HDLBP: variants seen among roughly 807,000 people sequenced by gnomAD.
HDLBP encodes the protein vigilin.
In HDLBP, 30 loss-of-function variants were observed where a neutral mutation model predicts 137.3. The observed-to-expected ratio is 0.22, with a 90% CI of 0.16 to 0.30. The LOEUF is 0.30. Ranked by LOEUF, HDLBP falls within the 10% of genes least tolerant of loss-of-function variation. HDLBP has a pLI of 1.00. For missense variants in HDLBP, 1,119 were observed against 1,667.3 expected, an observed-to-expected ratio of 0.67 and a Z score of 5.73; for synonymous variants, 606 against 596.0, an observed-to-expected ratio of 1.02 and a Z score of -0.24.
chr2:241,236,817 C>A, intron 20 of HDLBP, 48 bp from the exon 21 acceptor site: 4 of 1,592,292 alleles, frequency 2.5e-6, no homozygotes, highest in Non-Finnish European at 2.6e-6. Flanking sequence ...TGGAAGAGAC[C>A]CCACACCTTG....
In HDLBP at chr2:241,249,959, T is replaced by C. The variant is rs1358861208; in HGVS notation, c.1394A>G (p.Tyr465Cys). 2.5e-6 allele frequency: 4 copies of C among 1,607,458 alleles called. No individual in the cohort carries two copies. The highest frequency in any genetic ancestry group is 2.2e-5 in the East Asian group (1 of 44,834). The change falls in exon 12 of 28, where the codon TAC (tyrosine) becomes TGC (cysteine). Residue 465 changes from tyrosine to cysteine, a missense_variant. Physicochemically the swap from Tyr to Cys is radical, Grantham distance 194. This residue lies in a region of HDLBP where 425 missense variants were observed against 693.9 expected (regional missense o/e 0.61). Transcript: ENST00000310931. ...GANINRIKDQYKVSVRIPPDS... is the reference protein window; with the variant it reads ...GANINRIKDQCKVSVRIPPDS... ...AGGAGGGATGCGCACGGACACCTTG[T>C]ACTGGTCTTTGATTCTGTTTACTTA... is the stretch of plus-strand genomic sequence containing the variant.
At position 241,242,586 on chromosome 2, in the gene HDLBP, C is replaced by T; in HGVS notation, c.2043G>A (p.Glu681=). 4 of 1,614,252 alleles carry T rather than the reference C, an allele frequency of 2.5e-6. No individual in the cohort carries two copies. The highest frequency in any genetic ancestry group is 3.4e-6 in the Non-Finnish European group (4 of 1,180,044). ...TKGRLIRSIM[E]ECGGVHIHFP... ...AGTGAATGTGGACCCCGCCGCACTC[C>T]TCCATGATGGAGCGGATCAGACGGC... Residue 681 remains glutamate, a synonymous_variant, in exon 17 of 28, where the codon GAG becomes GAA. Transcript: ENST00000310931.
At position 241,233,854 on chromosome 2, in the gene HDLBP, T is replaced by C; in HGVS notation, c.3254A>G (p.Asn1085Ser). Reference protein sequence around the residue: ...ITQIRLEHDVNIQFPDKDDGN... With the variant: ...ITQIRLEHDVSIQFPDKDDGN... ...ATCGTCCTTATCAGGAAACTGGATG[T>C]TCACGTCATGCTCCAACCGGATTTG... The change falls in exon 24 of 28, where the codon AAC becomes AGC. Residue 1085 changes from asparagine to serine, a missense_variant. Asn to Ser is a conservative substitution (Grantham distance 46, BLOSUM62 1). Coordinates refer to ENST00000310931, the MANE Select transcript of HDLBP (RefSeq NM_005336.6). The surrounding 1 kb of genome is among the most constrained non-coding windows in gnomAD (Gnocchi z 4.3). 1 of 1,614,194 alleles carries C rather than the reference T, an allele frequency of 6.2e-7. No homozygotes were observed. Among genetic ancestry groups the C allele is most frequent in the Non-Finnish European group, 8.5e-7 (1 of 1,180,026 alleles).
At chr2:241,303,311 G>A (rs1356815431) in intron 1 of HDLBP, among the ~76,000 whole-genome samples, 2 of 152,234 alleles carry the variant, frequency 1.3e-5, no homozygotes, top group African/African-American at 2.4e-5. Flanking sequence ...TCACAGGACA[G>A]AGCAAGGCCA....
At chr2:241,273,307 TTTATAAAC>T in intron 1 of HDLBP, 2 of 885,662 alleles carry the variant, frequency 2.3e-6, no homozygotes, top group Non-Finnish European at 2.7e-6. Flanking sequence ...GTCCCTCACT[TTTATAAAC>T]TATCCCCACC....
chr2:241,315,140 GC>G (rs2075994113), intron 1 of HDLBP: 1 of 152,178 alleles, frequency 6.6e-6, no homozygotes, highest in Admixed American at 6.5e-5. Context: ...TAGGGGCCGC[GC>G]CAGCTCCGCC....
At chr2:241,243,801 C>A (rs1280161803) in intron 16 of HDLBP, 3 of 152,148 alleles carry the variant, frequency 2.0e-5, no homozygotes, top group Non-Finnish European at 4.4e-5. Context: ...CTAAAAGGAG[C>A]AAAATGTTTC....
intron 1 of HDLBP, among the ~76,000 whole-genome samples, chr2:241,298,420 G>A (rs75513600): frequency 0.026 from 3,975 of 152,014 alleles, 398 homozygotes; most frequent in Admixed American, 0.18. Context: ...GGACACAGGA[G>A]CTTGAGGGGC....
Position 241,305,303 on chromosome 2 carries a change from A to G in HDLBP, c.-103+10267T>C, listed in dbSNP as rs141567643. On this transcript the variant is annotated intron_variant, in intron 1 of 27. Transcript: ENST00000310931. ...TACACCCGGCTAATTCTGTATTTTTAGTAGAGATGGGGTTTCACCATGTTG... is the reference window on the plus strand; with the variant it reads ...TACACCCGGCTAATTCTGTATTTTTGGTAGAGATGGGGTTTCACCATGTTG... Among the ~76,000 whole-genome samples, 243 of 152,250 alleles carry G rather than the reference A, an allele frequency of 1.6e-3. 1 individual carries two copies. The East Asian group carries it at 0.031, about 20-fold the overall frequency.
At chr2:241,314,122 G>A (rs2075886256) in intron 1 of HDLBP, among the ~76,000 whole-genome samples, 1 of 152,056 alleles carries the variant, frequency 6.6e-6, no homozygotes, top group Non-Finnish European at 1.5e-5. Flanking sequence ...TCAGAGATTC[G>A]GTAATCCAAA....
chr2:241,312,892 T>C (rs1467024019), intron 1 of HDLBP, among the ~76,000 whole-genome samples: 1 of 152,214 alleles, frequency 6.6e-6, no homozygotes, highest in Non-Finnish European at 1.5e-5. Flanking sequence ...TCAGAGTATC[T>C]TAGATAAAAC....
intron 14 of HDLBP, 122 bp from the exon 15 acceptor site, chr2:241,247,264 A>T (rs2149440664): frequency 1.5e-6 from 1 of 682,758 alleles, no homozygotes; most frequent in Non-Finnish European, 2.7e-6. Flanking sequence ...ACAAACCTTC[A>T]GAGGTTTGTC....
In HDLBP at chr2:241,272,559, G is replaced by A; in HGVS notation, c.-102-4018C>T. 3 of 983,916 alleles carry A rather than the reference G, an allele frequency of 3.0e-6. No homozygotes were observed. Among genetic ancestry groups the A allele is most frequent in the Non-Finnish European group, 3.6e-6 (3 of 829,586 alleles). 60.9% of individuals were successfully genotyped at this position (983,916 alleles called of 1,614,324 possible). On this transcript the variant is annotated intron_variant, in intron 1 of 27. Coordinates refer to ENST00000310931, the MANE Select transcript of HDLBP (RefSeq NM_005336.6). The surrounding 1 kb of genome is among the most constrained non-coding windows in gnomAD (Gnocchi z 5.6). ...GAGACTCGGAGCCGGCCCCAGGTCT[G>A]GCCCGGAACCGCCACGCGCGGTAAG...
Position 241,262,819 on chromosome 2 carries a change from G to C in HDLBP, c.342C>G (p.His114Gln). The change falls in exon 5 of 28, where the codon CAC becomes CAG. Residue 114 changes from histidine (H) to glutamine (Q), a missense_variant. Physicochemically the swap from His to Gln is conservative, Grantham distance 24 (BLOSUM62 0). Coordinates refer to ENST00000310931, the MANE Select transcript of HDLBP (RefSeq NM_005336.6). ...GGTCTTTGGCCAAAGACAGCTCCAAGTGAGCACCAGTTCTCTGCATGATCT... is the reference window on the plus strand; with the variant it reads ...GGTCTTTGGCCAAAGACAGCTCCAACTGAGCACCAGTTCTCTGCATGATCT... ...CLEIMQRTGAHLELSLAKDQG... is the reference protein window; with the variant it reads ...CLEIMQRTGAQLELSLAKDQG... 1 of 1,614,148 alleles carries C rather than the reference G, an allele frequency of 6.2e-7. No homozygotes were observed. The highest frequency in any genetic ancestry group is 2.2e-5 in the East Asian group (1 of 44,884).
chr2:241,297,748 G>A (rs2075234598), intron 1 of HDLBP, among the ~76,000 whole-genome samples: 1 of 152,004 alleles, frequency 6.6e-6, no homozygotes, highest in Non-Finnish European at 1.5e-5. Flanking sequence ...GAGAAGAGAA[G>A]AGAAAGAGAC....
At chr2:241,231,895 A>G (rs2069808737) in intron 24 of HDLBP, among the ~76,000 whole-genome samples, 1 of 98,836 alleles carries the variant, frequency 1.0e-5, no homozygotes, top group African/African-American at 3.3e-5. Context: ...GGACGGGGAC[A>G]AATCACAACC....
chr2:241,299,643 C>T (rs529001665), intron 1 of HDLBP, among the ~76,000 whole-genome samples: 155 of 151,998 alleles, frequency 1.0e-3, no homozygotes, highest in African/African-American at 3.5e-3. Flanking sequence ...GGGCGGGGCG[C>T]GGTGGCTCAC....
At chr2:241,278,394 C>T (rs2074475889) in intron 1 of HDLBP, among the ~76,000 whole-genome samples, 1 of 152,002 alleles carries the variant, frequency 6.6e-6, no homozygotes, top group Non-Finnish European at 1.5e-5. Context: ...ACCAGCCTGG[C>T]CAATATGGCG....
Position 241,240,092 on chromosome 2 carries a change from C to A in HDLBP, c.2200G>T (p.Ala734Ser). 6.2e-7 allele frequency: 1 copy of A among 1,614,154 alleles called. No homozygotes were observed. The highest frequency in any genetic ancestry group is 8.5e-7 in the Non-Finnish European group (1 of 1,180,040). ...AGGAATTTGTGGTATTCTGGCTTGGCGCGGATGTCAACAGTGAAACTCTTG... is the reference window on the plus strand; with the variant it reads ...AGGAATTTGTGGTATTCTGGCTTGGAGCGGATGTCAACAGTGAAACTCTTG... ...QTKSFTVDIR[A>S]KPEYHKFLIG... The change falls in exon 18 of 28, where the codon GCC becomes TCC. Residue 734 changes from alanine to serine, a missense_variant. By Grantham distance (99) the Ala-to-Ser change is moderately conservative. This residue lies in a region of HDLBP where 618 missense variants were observed against 816.7 expected (regional missense o/e 0.76). Transcript: ENST00000310931. This position sits in a 1 kb window ranked among gnomAD's most constrained non-coding sequence, Gnocchi z 5.5.
Sources: gnomAD v4.1 joint callset for allele counts (sites outside exome capture counted in the v4.1 genomes callset) on GRCh38, gnomAD v4.1.1 for gene constraint, gnomAD v4.1.1 regional missense constraint, Gnocchi (gnomAD v3.1) non-coding constraint, MANE v1.5 for transcripts, NCBI Gene and HGNC (gene_info 2026-07-23, HGNC 2026-07-21) for gene names.